CBY1: variants seen among roughly 807,000 people sequenced by gnomAD.
The protein encoded by CBY1 is protein chibby homolog 1.
In CBY1, 10 loss-of-function variants were observed where a neutral mutation model predicts 15.6. That is an observed-to-expected ratio of 0.64 (90% CI 0.40 to 1.09). The LOEUF is 1.09. Among genes scored for constraint, CBY1 ranks in the 50% least tolerant of loss-of-function variants. CBY1 has a pLI of 0.01. For synonymous variants in CBY1, 61 were observed against 63.5 expected (o/e 0.96, Z 0.19); for missense variants, 150 against 160.5 (o/e 0.93, Z 0.35).
intron 1 of CBY1, chr22:38,665,763 G>A (rs190561481): frequency 2.7e-4 from 324 of 1,198,090 alleles, no homozygotes; most frequent in Non-Finnish European, 3.1e-4. Context: ...GAGCCAGTGC[G>A]TTGGTTCACA....
intron 1 of CBY1, chr22:38,657,194 T>C (rs921765165): frequency 4.6e-6 from 3 of 647,868 alleles, no homozygotes; most frequent in Middle Eastern, 7.9e-4. Context: ...CTTTACACAA[T>C]GATTAGTGAT....
intron 1 of CBY1, among the ~76,000 whole-genome samples, chr22:38,663,980 C>T (rs537133975): frequency 1.3e-5 from 2 of 151,076 alleles, no homozygotes; most frequent in East Asian, 2.0e-4. Context: ...CAAGATAGCA[C>T]CACTGCACTC....
At chr22:38,671,361 G>A (rs757496595) in intron 4 of CBY1, 173 bp downstream of exon 4, 1 of 616,886 alleles carries the variant, frequency 1.6e-6, no homozygotes, top group Non-Finnish European at 2.9e-6. Context: ...CAGTGTAGAG[G>A]CAGGTGGACC....
At chr22:38,661,456 G>A (rs1039386830) in intron 1 of CBY1, among the ~76,000 whole-genome samples, 5 of 152,166 alleles carry the variant, frequency 3.3e-5, no homozygotes, top group Admixed American at 6.6e-5. Flanking sequence ...GATTACAGGC[G>A]TGAGCCACTG....
In CBY1 at chr22:38,673,793, AT is replaced by A. The variant is rs956186178; in HGVS notation, c.*562del. 4 of 152,600 alleles carry A rather than the reference AT, an allele frequency of 2.6e-5. No individual in the cohort carries two copies. Among genetic ancestry groups the A allele is most frequent in the African/African-American group, 4.8e-5 (2 of 41,416 alleles). The allele number at this position is 152,600 out of a possible 1,614,324, so 9.5% of individuals were successfully genotyped here. On this transcript the variant is annotated 3_prime_UTR_variant, in exon 5 of 5. Transcript: ENST00000216029. ...CACCAGCCTTCCACAACAACACTAT[AT>A]TTTTATGCTACTTTCCTGTTTGCAC... is the stretch of plus-strand genomic sequence containing the variant.
intron 1 of CBY1, among the ~76,000 whole-genome samples, chr22:38,659,816 C>T (rs1024972520): frequency 2.0e-5 from 3 of 147,352 alleles, no homozygotes; most frequent in Non-Finnish European, 4.5e-5. Flanking sequence ...GAGCCGACAT[C>T]GCACCACTGC....
rs1188276684 is a variant in CBY1 at position 38,667,826 on chromosome 22, TGGCCCA to T, written c.-38-189_-38-184del. ...TCCATTCATGAGAGCAGAGCTCACA[TGGCCCA>T]GTCACCCCTTATACTGTTAAACAAT... On this transcript the variant is annotated intron_variant, in intron 1 of 4. Coordinates refer to ENST00000216029, the MANE Select transcript of CBY1 (RefSeq NM_015373.4). 1.5e-5 allele frequency: 8 copies of T among 549,000 alleles called. No homozygotes were observed. In the East Asian group the frequency reaches 2.2e-4, roughly 15 times the overall value. The allele number at this position is 549,000 out of a possible 1,614,324, so 34.0% of individuals were successfully genotyped here.
Position 38,671,784 on chromosome 22 carries a change from G to C in CBY1, c.303+596G>C, listed in dbSNP as rs76973529. 687 of 152,484 alleles carry C rather than the reference G, an allele frequency of 4.5e-3. 6 individuals carry two copies. The highest frequency in any genetic ancestry group is 0.014 in the Middle Eastern group (4 of 294). 9.4% of individuals were successfully genotyped at this position (152,484 alleles called of 1,614,324 possible). A position where few individuals can be genotyped will look rare whatever the true frequency, so the allele number is the denominator to read the frequency against. ...CAAAATGGCCTGGGTTCCTCACCCA[G>C]CTCTGCTACTGACTAACTGCTCTGT... is the stretch of plus-strand genomic sequence containing the variant. On this transcript the variant is annotated intron_variant, in intron 4 of 4. Transcript: ENST00000216029.
chr22:38,662,698 G>A (rs759882767), intron 1 of CBY1, among the ~76,000 whole-genome samples: 2 of 152,022 alleles, frequency 1.3e-5, no homozygotes, highest in Non-Finnish European at 2.9e-5. Context: ...TGTTTGCCAT[G>A]TTGCCCAGGA....
At chr22:38,667,751 C>T in intron 1 of CBY1, 1 of 361,568 alleles carries the variant, frequency 2.8e-6, no homozygotes, top group Non-Finnish European at 5.1e-6. Context: ...ATCCTTTTGC[C>T]AGGAGCCCAC....
In CBY1 at chr22:38,673,739, T is replaced by G. The variant is rs565478731; in HGVS notation, c.*503T>G. 1 of 153,680 alleles carries G rather than the reference T, an allele frequency of 6.5e-6. No individual in the cohort carries two copies. The highest frequency in any genetic ancestry group is 2.4e-5 in the African/African-American group (1 of 41,566). The allele number at this position is 153,680 out of a possible 1,614,324, so 9.5% of individuals were successfully genotyped here. ...GAATCCTCCTTCCTCACACCTGGCC[T>G]CCTCTGGCTTCAGCTTCTCAGCAGC... On this transcript the variant is annotated 3_prime_UTR_variant, in exon 5 of 5. Coordinates refer to ENST00000216029, the MANE Select transcript of CBY1 (RefSeq NM_015373.4).
Position 38,671,074 on chromosome 22 carries a change from A to T in CBY1, c.189A>T (p.Thr63=). The T allele has an allele frequency of 6.2e-6, 10 of 1,614,092 alleles. No individual in the cohort carries two copies. Among genetic ancestry groups the T allele is most frequent in the Non-Finnish European group, 8.5e-6 (10 of 1,179,894 alleles). The part of the protein sequence containing the change: ...KFENGQWIAE[T]GVSGGVDRRE... ...CTGGTTCTGTCCTTCCTCCAGAGAC[A>T]GGGGTTAGTGGCGGTGTGGACCGGA... Residue 63 remains threonine (T), a synonymous_variant, in exon 4 of 5, where the codon ACA becomes ACT. Transcript: ENST00000216029.
At chr22:38,670,818 AAG>A (rs1477639634) in intron 2 of CBY1, 64 bp from the exon 3 acceptor site, 1 of 1,006,658 alleles carries the variant, frequency 9.9e-7, no homozygotes, top group Non-Finnish European at 1.6e-6. Context: ...TTGTTGGCGG[AAG>A]AGGAGCTGGG....
At chr22:38,659,890 C>T (rs1187854591) in intron 1 of CBY1, among the ~76,000 whole-genome samples, 2 of 149,232 alleles carry the variant, frequency 1.3e-5, no homozygotes, top group Non-Finnish European at 3.0e-5. Flanking sequence ...AAAGAATGTG[C>T]CACAAATTAT....
At chr22:38,663,120 AAAATAAATAAAT>A (rs760488211) in intron 1 of CBY1, among the ~76,000 whole-genome samples, 83 of 152,046 alleles carry the variant, frequency 5.5e-4, no homozygotes, top group African/African-American at 1.9e-3. Flanking sequence ...ACTTGATCTC[AAAATAAATAAAT>A]AAATAAATAA....
At chr22:38,664,575 G>A (rs1165204277) in intron 1 of CBY1, among the ~76,000 whole-genome samples, 1 of 151,884 alleles carries the variant, frequency 6.6e-6, no homozygotes, top group Non-Finnish European at 1.5e-5. Context: ...TAGTTATTTG[G>A]GAAAAGCAAA....
chr22:38,663,365 G>A (rs1426951471), intron 1 of CBY1, among the ~76,000 whole-genome samples: 3 of 151,838 alleles, frequency 2.0e-5, no homozygotes, highest in Non-Finnish European at 4.4e-5. Context: ...TGAAGCAGGA[G>A]AATCGCTTGA....
intron 1 of CBY1, among the ~76,000 whole-genome samples, chr22:38,663,837 C>G (rs2092428894): frequency 6.6e-6 from 1 of 151,318 alleles, no homozygotes; most frequent in Non-Finnish European, 1.5e-5. Flanking sequence ...GCCTGGCCAA[C>G]ATGGCAAAAC....
At chr22:38,660,201 CTT>C (rs967592367) in intron 1 of CBY1, among the ~76,000 whole-genome samples, 1 of 146,962 alleles carries the variant, frequency 6.8e-6, no homozygotes, top group Admixed American at 6.8e-5. Context: ...ATTTTTTTAA[CTT>C]TTTTTTTTTG....
Sources: gnomAD v4.1 joint callset for allele counts (sites outside exome capture counted in the v4.1 genomes callset) on GRCh38, gnomAD v4.1.1 for gene constraint, MANE v1.5 for transcripts, NCBI Gene and HGNC (gene_info 2026-07-23, HGNC 2026-07-21) for gene names.